The following TBCD variants were observed in gnomAD, a reference collection of about 807,000 sequenced individuals.
TBCD encodes the protein tubulin-specific chaperone D.
Under a neutral mutation model 169.3 loss-of-function variants are expected in TBCD, and 105 were observed. The observed-to-expected ratio is 0.62, with a 90% CI of 0.53 to 0.73. TBCD has a LOEUF of 0.73. Ranked by LOEUF, TBCD falls within the 30% of genes least tolerant of loss-of-function variation. The pLI, the probability that TBCD is intolerant of heterozygous loss-of-function variation, is 0.00. For missense variants in TBCD, 1,444 were observed against 1,600.1 expected (o/e 0.90, Z 1.66); for synonymous variants, 700 against 643.9 (o/e 1.09, Z -1.32).
intron 13 of TBCD, among the ~76,000 whole-genome samples, chr17:82,844,501 C>G (rs1230896299): frequency 6.6e-6 from 1 of 151,978 alleles, no homozygotes; most frequent in Non-Finnish European, 1.5e-5. Context: ...TGCCACAGAT[C>G]TGGAGCTTTT....
At chr17:82,853,774 A>G (rs1358278743) in intron 13 of TBCD, among the ~76,000 whole-genome samples, 2 of 151,906 alleles carry the variant, frequency 1.3e-5, no homozygotes, top group Admixed American at 1.3e-4. Context: ...ATATTCTTGC[A>G]TTTTAGATGT....
chr17:82,794,755 G>A (rs1290959019), intron 7 of TBCD, among the ~76,000 whole-genome samples: 1 of 152,320 alleles, frequency 6.6e-6, no homozygotes, highest in African/African-American at 2.4e-5. Flanking sequence ...CTTCCCTGTC[G>A]TCTCTTTTGC....
At chr17:82,933,125 G>C (rs1337433399) in intron 34 of TBCD, among the ~76,000 whole-genome samples, 3 of 152,184 alleles carry the variant, frequency 2.0e-5, no homozygotes. Context: ...CGGTGACCTG[G>C]CGAGGACTTG....
At chr17:82,788,074 TA>T (rs2049437333) in intron 7 of TBCD, among the ~76,000 whole-genome samples, 1 of 152,000 alleles carries the variant, frequency 6.6e-6, no homozygotes, top group Non-Finnish European at 1.5e-5. Flanking sequence ...CTGTCTCTAC[TA>T]AAAATACAAA....
chr17:82,875,799 CAG>C (rs2057928992), intron 14 of TBCD, among the ~76,000 whole-genome samples: 1 of 151,980 alleles, frequency 6.6e-6, no homozygotes, highest in Non-Finnish European at 1.5e-5. Context: ...CATTACCGAG[CAG>C]AGTCCTAACC....
chr17:82,784,584 T>G (rs1420307534), intron 7 of TBCD, among the ~76,000 whole-genome samples: 1 of 152,174 alleles, frequency 6.6e-6, no homozygotes, highest in Non-Finnish European at 1.5e-5. Context: ...GTGGATTTAG[T>G]TGCAATTGGA....
intron 14 of TBCD, 37 bp downstream of exon 14, chr17:82,870,417 G>T (rs1567926619): frequency 1.9e-6 from 3 of 1,597,490 alleles, no homozygotes; most frequent in Non-Finnish European, 1.7e-6. Context: ...GATGCGCCGT[G>T]CCCCCTGACG....
intron 7 of TBCD, among the ~76,000 whole-genome samples, chr17:82,788,195 G>A (rs780932710): frequency 8.5e-5 from 13 of 152,258 alleles, no homozygotes; most frequent in Non-Finnish European, 1.9e-4. Context: ...CCGACATGGC[G>A]CCACTGCATT....
At chr17:82,925,200 GC>G in intron 27 of TBCD, 143 bp downstream of exon 27, 1 of 704,856 alleles carries the variant, frequency 1.4e-6, no homozygotes, top group Non-Finnish European at 2.3e-6. Flanking sequence ...GGCACCTGTG[GC>G]CAGGAGGAAG....
At chr17:82,780,327 G>C (rs1015873257) in intron 6 of TBCD, among the ~76,000 whole-genome samples, 1 of 152,132 alleles carries the variant, frequency 6.6e-6, no homozygotes, top group African/African-American at 2.4e-5. Flanking sequence ...GAAGTCCCCA[G>C]CTGTTTGTCG....
chr17:82,938,561 G>A (rs2062828498), intron 36 of TBCD, among the ~76,000 whole-genome samples: 1 of 152,236 alleles, frequency 6.6e-6, no homozygotes, highest in Admixed American at 6.5e-5. Flanking sequence ...AAAGGCAAAA[G>A]TAACTTCATG....
rs1045843707 is a variant in TBCD, at chr17:82,782,221, T to C, written c.771+500T>C. Among the ~76,000 whole-genome samples, 1 of 151,716 alleles carries C rather than the reference T, an allele frequency of 6.6e-6. No homozygotes were observed. Among genetic ancestry groups the C allele is most frequent in the East Asian group, 1.9e-4 (1 of 5,184 alleles). On this transcript the variant is annotated intron_variant, in intron 7 of 38. Coordinates refer to ENST00000355528, the MANE Select transcript of TBCD (RefSeq NM_005993.5). This position sits in a 1 kb window ranked among gnomAD's most constrained non-coding sequence, Gnocchi z 5.1. ...CTTTGCCAGCCCTTTCCCTGCCCTT[T>C]CGCTCTGATTGTCTCTTGTGTTACC...
chr17:82,917,160 C>T (rs1288353292), intron 23 of TBCD, among the ~76,000 whole-genome samples: 5 of 151,808 alleles, frequency 3.3e-5, no homozygotes, highest in Admixed American at 1.3e-4. Context: ...GCTGGGACTA[C>T]AGGCATGCGC....
chr17:82,909,677 G>A (rs2060490159), intron 22 of TBCD, among the ~76,000 whole-genome samples: 1 of 148,364 alleles, frequency 6.7e-6, no homozygotes, highest in Non-Finnish European at 1.5e-5. Context: ...GGTCTGACCT[G>A]GTTGTGTGAT....
Position 82,831,211 on chromosome 17 carries a change from G to A in TBCD, c.1318+16277G>A, listed in dbSNP as rs974034003. The A allele has an allele frequency of 6.2e-7, 1 of 1,613,990 alleles. No homozygotes were observed. Among genetic ancestry groups the A allele is most frequent in the Non-Finnish European group, 8.5e-7 (1 of 1,180,032 alleles). ...CGTCTGCATGAAGTCGGTGGGGCTC[G>A]GCCTCCCTGGGGAGCCCGTGGCTGC... is the stretch of plus-strand genomic sequence containing the variant. On this transcript the variant is annotated intron_variant, in intron 13 of 38. Transcript: ENST00000355528. The surrounding 1 kb of genome is among the most constrained non-coding windows in gnomAD (Gnocchi z 4.6).
intron 7 of TBCD, among the ~76,000 whole-genome samples, chr17:82,784,114 ACT>A (rs2144347325): frequency 6.6e-6 from 1 of 151,898 alleles, no homozygotes; most frequent in East Asian, 1.9e-4. Flanking sequence ...ACAGAGCAAG[ACT>A]CTGCCAGAAA....
At chr17:82,761,969 C>T (rs1038800937) in intron 2 of TBCD, among the ~76,000 whole-genome samples, 20 of 150,898 alleles carry the variant, frequency 1.3e-4, no homozygotes, top group African/African-American at 2.9e-4. Flanking sequence ...CCTCGTGATC[C>T]GCCCGCCTCA....
At chr17:82,757,136 G>C (rs920904408) in intron 2 of TBCD, among the ~76,000 whole-genome samples, 1 of 152,220 alleles carries the variant, frequency 6.6e-6, no homozygotes, top group Non-Finnish European at 1.5e-5. Context: ...AGCACCCTGG[G>C]TGGGGGCACC....
At chr17:82,926,583 TTA>T in intron 28 of TBCD, 92 bp downstream of exon 28, 1 of 1,060,550 alleles carries the variant, frequency 9.4e-7, no homozygotes, top group Non-Finnish European at 1.4e-6. Context: ...GAGGCAGGAC[TTA>T]TGATTCTTCA....
Sources: gnomAD v4.1 joint callset for allele counts (sites outside exome capture counted in the v4.1 genomes callset) on GRCh38, gnomAD v4.1.1 for gene constraint, Gnocchi (gnomAD v3.1) non-coding constraint, MANE v1.5 for transcripts, NCBI Gene and HGNC (gene_info 2026-07-23, HGNC 2026-07-21) for gene names.